STPG2: variants seen among roughly 807,000 people sequenced by gnomAD.
The protein encoded by STPG2 is sperm-tail PG-rich repeat-containing protein 2.
A neutral mutation model predicts 54.2 loss-of-function variants in STPG2; 56 were observed. The observed-to-expected ratio is 1.03, with a 90% CI of 0.83 to 1.29. STPG2 has a LOEUF of 1.29. STPG2 is among the 50% of genes most tolerant of loss of function. STPG2 has a pLI of 0.00. For synonymous variants in STPG2, 200 were observed against 181.8 expected, an observed-to-expected ratio of 1.10 and a Z score of -0.81; for missense variants, 596 against 544.9, an observed-to-expected ratio of 1.09 and a Z score of -0.93.
intron 5 of STPG2, among the ~76,000 whole-genome samples, chr4:98,046,557 C>T (rs1158500137): frequency 6.6e-6 from 1 of 152,114 alleles, no homozygotes; most frequent in Admixed American, 6.6e-5. Context: ...CTCTTACCGT[C>T]CCCCAGGAGA....
At chr4:97,614,765 C>T (rs1733817463) in intron 10 of STPG2, among the ~76,000 whole-genome samples, 1 of 152,090 alleles carries the variant, frequency 6.6e-6, no homozygotes, top group Admixed American at 6.6e-5. Context: ...TCACTGAAAG[C>T]TCTGCTTTTG....
chr4:97,550,975 G>A (rs756752313), intron 4 of STPG2, among the ~76,000 whole-genome samples: 7 of 151,586 alleles, frequency 4.6e-5, no homozygotes, highest in Non-Finnish European at 1.0e-4. Flanking sequence ...AAGATGTATT[G>A]CGAAGAAGGA....
chr4:97,584,280 TC>T (rs769783213), intron 10 of STPG2, among the ~76,000 whole-genome samples: 13 of 152,012 alleles, frequency 8.6e-5, no homozygotes, highest in Non-Finnish European at 1.5e-4. Context: ...TCCTGAAGGA[TC>T]TTTGCATCAA....
chr4:98,117,195 T>C (rs1028375151), intron 3 of STPG2, among the ~76,000 whole-genome samples: 6 of 152,010 alleles, frequency 3.9e-5, no homozygotes, highest in Non-Finnish European at 8.8e-5. Context: ...TTTCAAGGAA[T>C]AGCTTTGCTG....
At chr4:98,108,497 T>TA (rs1739250529) in intron 4 of STPG2, among the ~76,000 whole-genome samples, 1 of 152,160 alleles carries the variant, frequency 6.6e-6, no homozygotes, top group Non-Finnish European at 1.5e-5. Context: ...TTCTCGGACT[T>TA]ACACTGACTG....
intron 4 of STPG2, among the ~76,000 whole-genome samples, chr4:97,546,559 A>G (rs1731838013): frequency 6.6e-6 from 1 of 152,132 alleles, no homozygotes; most frequent in South Asian, 2.1e-4. Flanking sequence ...TTTCTTTGTT[A>G]CTATACTTCA....
In STPG2 at chr4:97,956,411, G is replaced by A. The variant is rs945488735; in HGVS notation, c.934-12404C>T. Among the ~76,000 whole-genome samples, 19 of 152,152 alleles carry A rather than the reference G, an allele frequency of 1.2e-4. No homozygotes were observed. The South Asian group carries it at 2.1e-3, about 17-fold the overall frequency. On this transcript the variant is annotated intron_variant, in intron 7 of 10. Coordinates refer to ENST00000295268, the MANE Select transcript of STPG2 (RefSeq NM_174952.3). The stretch of plus-strand genomic sequence containing the variant: ...GAAAAAGTGGATAATGGGAATCATG[G>A]CAGACAGGAGGCAGAACTAGATGGC...
intron 10 of STPG2, among the ~76,000 whole-genome samples, chr4:97,668,191 T>A (rs1722584191): frequency 1.3e-5 from 2 of 151,902 alleles, no homozygotes; most frequent in Non-Finnish European, 2.9e-5. Flanking sequence ...AAAAAGTGGG[T>A]AAGGTATTCA....
At chr4:97,701,961 G>T (rs1723793260) in intron 10 of STPG2, among the ~76,000 whole-genome samples, 1 of 152,148 alleles carries the variant, frequency 6.6e-6, no homozygotes, top group Admixed American at 6.5e-5. Context: ...GTGACATACA[G>T]AGAAGAGCAA....
At chr4:97,473,679 T>C (rs1200970063) in intron 4 of STPG2, among the ~76,000 whole-genome samples, 1 of 152,180 alleles carries the variant, frequency 6.6e-6, no homozygotes, top group Non-Finnish European at 1.5e-5. Context: ...CCACACCCTA[T>C]TCAAACACTC....
chr4:98,068,647 T>TATTTCAAAA, intron 5 of STPG2, among the ~76,000 whole-genome samples: 3 of 152,100 alleles, frequency 2.0e-5, no homozygotes, highest in African/African-American at 7.2e-5. Context: ...GTTCCAGAAG[T>TATTTCAAAA]TGTGTGTAGG....
chr4:97,766,980 G>A (rs1033555530), intron 9 of STPG2, among the ~76,000 whole-genome samples: 3 of 151,500 alleles, frequency 2.0e-5, no homozygotes, highest in Admixed American at 6.6e-5. Flanking sequence ...ATAACTAAAA[G>A]AATCAGTATT....
intron 4 of STPG2, among the ~76,000 whole-genome samples, chr4:97,526,111 C>A (rs1403121283): frequency 6.6e-6 from 1 of 151,882 alleles, no homozygotes. Flanking sequence ...GATTAGTTTC[C>A]CTCTAATAAT....
chr4:98,132,528 G>T (rs1015931543), intron 2 of STPG2, among the ~76,000 whole-genome samples: 1 of 151,836 alleles, frequency 6.6e-6, no homozygotes, highest in Non-Finnish European at 1.5e-5. Flanking sequence ...TAGCTTGCTG[G>T]TCCTGGATTA....
chr4:98,014,847 C>T (rs1380029497), intron 5 of STPG2, among the ~76,000 whole-genome samples: 1 of 151,976 alleles, frequency 6.6e-6, no homozygotes, highest in Non-Finnish European at 1.5e-5. Context: ...TTTACCTTTC[C>T]TTTATTTCTG....
chr4:98,111,298 A>C (rs1233651066), intron 3 of STPG2, among the ~76,000 whole-genome samples: 2 of 152,162 alleles, frequency 1.3e-5, no homozygotes, highest in Non-Finnish European at 2.9e-5. Context: ...GGTAGCGAGT[A>C]GGGGGCAATT....
chr4:97,856,245 A>C (rs1038438701), intron 8 of STPG2, among the ~76,000 whole-genome samples: 1 of 152,144 alleles, frequency 6.6e-6, no homozygotes, highest in Non-Finnish European at 1.5e-5. Context: ...TGAATCTATA[A>C]ATTACTTTGG....
chr4:97,791,844 A>G (rs1727000588), intron 9 of STPG2, among the ~76,000 whole-genome samples: 2 of 152,088 alleles, frequency 1.3e-5, no homozygotes, highest in Admixed American at 6.5e-5. Context: ...CGTTGATGAA[A>G]CCACCATAGC....
chr4:97,768,026 G>A (rs995889125), intron 9 of STPG2, among the ~76,000 whole-genome samples: 9 of 152,074 alleles, frequency 5.9e-5, no homozygotes, highest in Non-Finnish European at 1.3e-4. Context: ...AAATTAGCGG[G>A]CGTGGTGGCG....
Sources: allele counts gnomAD v4.1 joint callset (sites outside exome capture counted in the v4.1 genomes callset), GRCh38; gene constraint gnomAD v4.1.1; transcripts MANE v1.5; gene names NCBI Gene and HGNC (gene_info 2026-07-23, HGNC 2026-07-21).